Variants in PLCB4 observed in about 807,000 individuals in gnomAD.
The protein encoded by PLCB4 is phospholipase C beta 4.
PLCB4 carries 77 observed loss-of-function variants against 178.8 expected under a neutral mutation model. The ratio of observed to expected loss-of-function variants is 0.43; its 90% confidence interval spans 0.36 to 0.52. The LOEUF is 0.52. Ranked by LOEUF, PLCB4 falls within the 20% of genes least tolerant of loss-of-function variation. The probability of loss-of-function intolerance (pLI) is 0.00; values close to 1 mark genes in which losing one functional copy is unlikely to be tolerated. For missense variants in PLCB4, 1,024 were observed against 1,453.4 expected (o/e 0.70, Z 4.80); for synonymous variants, 496 against 490.8 (o/e 1.01, Z -0.14).
intron 14 of PLCB4, among the ~76,000 whole-genome samples, chr20:9,385,369 G>A (rs562279654): frequency 6.6e-6 from 1 of 152,162 alleles, no homozygotes; most frequent in Non-Finnish European, 1.5e-5. Flanking sequence ...CCTGGCAGAG[G>A]TGCTCCTCAC....
intron 2 of PLCB4, among the ~76,000 whole-genome samples, chr20:9,202,513 G>A (rs2093559458): frequency 6.6e-6 from 1 of 152,092 alleles, no homozygotes; most frequent in African/African-American, 2.4e-5. Context: ...TAGTTGCCGT[G>A]GTTTCCTGGT....
chr20:9,211,675 T>A (rs986346967), intron 2 of PLCB4, among the ~76,000 whole-genome samples: 8 of 152,230 alleles, frequency 5.3e-5, no homozygotes, highest in Non-Finnish European at 1.0e-4. Context: ...ATGATGGTAA[T>A]GTGGTAACAT....
chr20:9,441,317 G>A (rs1483153859), intron 30 of PLCB4, among the ~76,000 whole-genome samples: 4 of 152,148 alleles, frequency 2.6e-5, no homozygotes, highest in Non-Finnish European at 5.9e-5. Context: ...TTCTTCCCAC[G>A]CCTCTCCATG....
At chr20:9,103,639 G>T (rs1246710658) in intron 2 of PLCB4, among the ~76,000 whole-genome samples, 1 of 152,084 alleles carries the variant, frequency 6.6e-6, no homozygotes, top group Admixed American at 6.5e-5. Flanking sequence ...CCCTGAACTT[G>T]TCTTGAGCAC....
intron 7 of PLCB4, among the ~76,000 whole-genome samples, chr20:9,352,726 C>A (rs2034458240): frequency 6.6e-6 from 1 of 152,194 alleles, no homozygotes; most frequent in African/African-American, 2.4e-5. Flanking sequence ...TCATAGATGG[C>A]AGCTTATTTC....
At chr20:9,157,681 CCTT>C (rs1022842526) in intron 2 of PLCB4, among the ~76,000 whole-genome samples, 4 of 152,144 alleles carry the variant, frequency 2.6e-5, no homozygotes, top group African/African-American at 9.7e-5. Flanking sequence ...GAAGAAGCCT[CCTT>C]CTCTTATGTT....
intron 35 of PLCB4, among the ~76,000 whole-genome samples, chr20:9,464,048 A>G (rs1260497676): frequency 6.6e-6 from 1 of 152,186 alleles, no homozygotes; most frequent in East Asian, 1.9e-4. Flanking sequence ...TCCTCAGCAA[A>G]TGTAAAGGAA....
At chr20:9,319,826 A>G (rs2094939127) in intron 4 of PLCB4, among the ~76,000 whole-genome samples, 2 of 152,312 alleles carry the variant, frequency 1.3e-5, no homozygotes, top group South Asian at 4.1e-4. Flanking sequence ...CCCGGAAGTA[A>G]TATTTCATCA....
intron 2 of PLCB4, among the ~76,000 whole-genome samples, chr20:9,139,555 A>G (rs1172049548): frequency 6.6e-6 from 1 of 152,070 alleles, no homozygotes; most frequent in Non-Finnish European, 1.5e-5. Context: ...TAGATGTGCA[A>G]AAGTGGAAGT....
chr20:9,071,682 T>A (rs1413572648), intron 1 of PLCB4, among the ~76,000 whole-genome samples: 1 of 152,198 alleles, frequency 6.6e-6, no homozygotes, highest in Non-Finnish European at 1.5e-5. Context: ...TATTTTGAAA[T>A]CTTGAGAGTA....
chr20:9,457,419 G>A lies in PLCB4; in HGVS notation c.3002G>A (p.Ser1001Asn). 2 of 1,491,708 alleles carry A rather than the reference G, an allele frequency of 1.3e-6. No homozygotes were observed. The highest frequency in any genetic ancestry group is 1.9e-6 in the Non-Finnish European group (2 of 1,068,518). 92.4% of individuals were successfully genotyped at this position (1,491,708 alleles called of 1,614,324 possible). The change falls in exon 34 of 40, where the codon AGT becomes AAT. Residue 1001 changes from serine to asparagine, a missense_variant. By Grantham distance (46) the Ser-to-Asn change is conservative. This residue lies in a region of PLCB4 where 264 missense variants were observed against 283.2 expected (regional missense o/e 0.93). Transcript: ENST00000378473. The part of the protein sequence containing the change: ...LEKAMKKKGG[S>N]NCLEMKKETE... ...TTGCAACTTTCCATTTTCAGGGGAA[G>A]TAATTGTCTCGAAATGAAAAAAGAA... is the stretch of plus-strand genomic sequence containing the variant.
At chr20:9,344,383 A>G (rs1194292419) in intron 7 of PLCB4, among the ~76,000 whole-genome samples, 1 of 152,128 alleles carries the variant, frequency 6.6e-6, no homozygotes, top group Non-Finnish European at 1.5e-5. Flanking sequence ...CGACTTACTT[A>G]CCATAATATC....
At chr20:9,127,421 T>G (rs2092144874) in intron 2 of PLCB4, among the ~76,000 whole-genome samples, 1 of 152,126 alleles carries the variant, frequency 6.6e-6, no homozygotes, top group Non-Finnish European at 1.5e-5. Flanking sequence ...CTTCCAAGTT[T>G]TCATCAGTGA....
Position 9,163,371 on chromosome 20 carries a change from A to G in PLCB4, c.-78-54019A>G, listed in dbSNP as rs137945601. Among the ~76,000 whole-genome samples the G allele has an allele frequency of 7.8e-3, 1,192 of 152,298 alleles. 17 individuals carry two copies. Among genetic ancestry groups the G allele is most frequent in the African/African-American group, 0.027 (1,135 of 41,562 alleles). Reference sequence around the variant, plus strand: ...CCAAATTTGGAGCAAATCTGAGCAGAGTCAAAATATGTGTCTCTTAGAGCC... The same window carrying G: ...CCAAATTTGGAGCAAATCTGAGCAGGGTCAAAATATGTGTCTCTTAGAGCC... On this transcript the variant is annotated intron_variant, in intron 2 of 39. Transcript: ENST00000378473.
intron 30 of PLCB4, among the ~76,000 whole-genome samples, chr20:9,438,988 A>G (rs1018609012): frequency 2.0e-5 from 3 of 152,230 alleles, no homozygotes; most frequent in Non-Finnish European, 4.4e-5. Context: ...ATTCAGCTGG[A>G]TAAGGAAGGA....
chr20:9,220,451 G>A (rs2093784174), intron 3 of PLCB4, among the ~76,000 whole-genome samples: 1 of 152,154 alleles, frequency 6.6e-6, no homozygotes, highest in African/African-American at 2.4e-5. Flanking sequence ...GGCCAACATG[G>A]TCAAACCCTG....
rs548323580 is a variant in PLCB4, at chr20:9,291,362, T to A, written c.-15-16438T>A. Among the ~76,000 whole-genome samples the A allele has an allele frequency of 3.9e-5, 6 of 152,288 alleles. No individual in the cohort carries two copies. The East Asian group carries it at 1.2e-3, about 29-fold the overall frequency. On this transcript the variant is annotated intron_variant, in intron 3 of 39. Coordinates refer to ENST00000378473, the MANE Select transcript of PLCB4 (RefSeq NM_001377142.1). ...GCAGCCTCACTTACATAAACCAATT[T>A]GCACAGTAAATTTCCCATTATTTTA... is the stretch of plus-strand genomic sequence containing the variant.
intron 2 of PLCB4, among the ~76,000 whole-genome samples, chr20:9,163,239 T>G (rs2092918055): frequency 1.3e-5 from 2 of 152,178 alleles, no homozygotes; most frequent in African/African-American, 2.4e-5. Flanking sequence ...TCGACTCTGT[T>G]TTCTGAAACT....
intron 22 of PLCB4, 130 bp from the exon 23 acceptor site, chr20:9,408,502 AC>A (rs1335201744): frequency 1.1e-5 from 5 of 469,144 alleles, no homozygotes; most frequent in Non-Finnish European, 1.8e-5. Flanking sequence ...AGTAGGAGCT[AC>A]TGACATGATA....
Sources: allele counts gnomAD v4.1 joint callset (sites outside exome capture counted in the v4.1 genomes callset), GRCh38; gene constraint gnomAD v4.1.1; regional missense constraint gnomAD v4.1.1; transcripts MANE v1.5; gene names NCBI Gene and HGNC (gene_info 2026-07-23, HGNC 2026-07-21).